Variants in RABL3 observed in about 807,000 individuals in gnomAD.
RABL3 encodes the protein RAB, member of RAS oncogene family like 3.
In RABL3, 31 loss-of-function variants were observed where a neutral mutation model predicts 31.8. That is an observed-to-expected ratio of 0.97 (90% CI 0.73 to 1.31). The LOEUF (loss-of-function observed/expected upper bound fraction) is 1.31. Ranked by LOEUF, RABL3 falls within the 40% of genes most tolerant of loss-of-function variation. RABL3 has a pLI of 0.00. For missense variants in RABL3, 263 were observed against 279.6 expected (o/e 0.94, Z 0.42); for synonymous variants, 97 against 99.9 (o/e 0.97, Z 0.18).
chr3:120,686,447 C>T lies in RABL3; in HGVS notation c.*3376G>A, dbSNP rs1414033103. Among the ~76,000 whole-genome samples the T allele has an allele frequency of 2.0e-5, 3 of 151,064 alleles. No individual in the cohort carries two copies. The highest frequency in any genetic ancestry group is 2.9e-5 in the Non-Finnish European group (2 of 67,858). On this transcript the variant is annotated 3_prime_UTR_variant, in exon 8 of 8. Coordinates refer to ENST00000273375, the MANE Select transcript of RABL3 (RefSeq NM_173825.5). ...GAGCTCTTCACCTCAGTCTGATGTC[C>T]CTGCACATCATTTCCATGAAGTCCA...
At chr3:120,691,555 T>A (rs1344274768) in intron 6 of RABL3, among the ~76,000 whole-genome samples, 2 of 152,204 alleles carry the variant, frequency 1.3e-5, no homozygotes, top group Non-Finnish European at 2.9e-5. Context: ...GTTCTGAGCA[T>A]GTTTAAGGAA....
At chr3:120,713,714 AT>A (rs1315885863) in intron 2 of RABL3, among the ~76,000 whole-genome samples, 1 of 151,932 alleles carries the variant, frequency 6.6e-6, no homozygotes, top group Non-Finnish European at 1.5e-5. Context: ...GGACCTTCTC[AT>A]TTATTCAGCT....
At chr3:120,695,813 T>G (rs1032634784) in intron 5 of RABL3, among the ~76,000 whole-genome samples, 1 of 152,110 alleles carries the variant, frequency 6.6e-6, no homozygotes, top group African/African-American at 2.4e-5. Flanking sequence ...TAAATAGAGC[T>G]GAAGTACTAA....
At position 120,685,046 on chromosome 3, in the gene RABL3, A is replaced by G. The variant is rs903410372; in HGVS notation, c.*4777T>C. Reference sequence around the variant, plus strand: ...AACATAGTGTAAGTGCTCTGACAGGAAAGAGCCCAGGGATCTAGGGGAAGC... The same window carrying G: ...AACATAGTGTAAGTGCTCTGACAGGGAAGAGCCCAGGGATCTAGGGGAAGC... On this transcript the variant is annotated 3_prime_UTR_variant, in exon 8 of 8. Transcript: ENST00000273375. 6.6e-6 allele frequency among the ~76,000 whole-genome samples: 1 copy of G among 152,236 alleles called. No individual in the cohort carries two copies. The highest frequency in any genetic ancestry group is 2.4e-5 in the African/African-American group (1 of 41,466).
intron 2 of RABL3, among the ~76,000 whole-genome samples, chr3:120,720,515 G>A (rs1335978734): frequency 2.6e-5 from 4 of 152,142 alleles, no homozygotes; most frequent in Non-Finnish European, 4.4e-5. Flanking sequence ...TGAAAACCAC[G>A]GCATGAGAAC....
intron 2 of RABL3, among the ~76,000 whole-genome samples, chr3:120,710,712 C>T (rs1378927914): frequency 6.6e-6 from 1 of 152,056 alleles, no homozygotes; most frequent in African/African-American, 2.4e-5. Context: ...TTTTCCTTCT[C>T]AGCTGGATAA....
At chr3:120,696,310 TTTTA>T (rs1028448875) in intron 5 of RABL3, among the ~76,000 whole-genome samples, 1 of 152,182 alleles carries the variant, frequency 6.6e-6, no homozygotes, top group African/African-American at 2.4e-5. Flanking sequence ...TTACATTAGT[TTTTA>T]TTTGAGGCTT....
chr3:120,742,579 A>G (rs1709061738), upstream of RABL3: 10 of 1,481,982 alleles, frequency 6.7e-6, no homozygotes, highest in South Asian at 7.9e-5. Flanking sequence ...CATGGAGGGC[A>G]GAGCCTTCAA....
In RABL3 at chr3:120,718,209, G is replaced by A. The variant is rs760469934; in HGVS notation, c.139-8300C>T. On this transcript the variant is annotated intron_variant, in intron 2 of 7. Coordinates refer to ENST00000273375, the MANE Select transcript of RABL3 (RefSeq NM_173825.5). ...ATTAACAAATCTCCGCCTCTACCTT[G>A]AAAACACAACTTCTCCTTATGTCCT... Among the ~76,000 whole-genome samples, 89 of 152,154 alleles carry A rather than the reference G, an allele frequency of 5.8e-4. 1 individual carries two copies. The highest frequency in any genetic ancestry group is 1.1e-3 in the Non-Finnish European group (76 of 67,998).
intron 6 of RABL3, 129 bp downstream of exon 6, chr3:120,694,024 C>G (rs1281080183): frequency 1.7e-6 from 1 of 584,196 alleles, no homozygotes; most frequent in Non-Finnish European, 3.0e-6. Context: ...TAAGAGAGAT[C>G]AAAACAAGGA....
intron 2 of RABL3, among the ~76,000 whole-genome samples, chr3:120,720,854 G>T (rs988792185): frequency 2.0e-5 from 3 of 152,098 alleles, no homozygotes; most frequent in Non-Finnish European, 2.9e-5. Flanking sequence ...GAGACTCCTC[G>T]AGAAGAGCAA....
At chr3:120,720,898 T>C (rs930420317) in intron 2 of RABL3, among the ~76,000 whole-genome samples, 10 of 151,838 alleles carry the variant, frequency 6.6e-5, no homozygotes, top group African/African-American at 2.4e-4. Flanking sequence ...TTCACCAAAG[T>C]TGAAATGAAG....
chr3:120,690,323 A>C, intron 7 of RABL3, 126 bp downstream of exon 7: 1 of 679,432 alleles, frequency 1.5e-6, no homozygotes, highest in African/African-American at 1.8e-5. Context: ...AACAGGATAG[A>C]AGGAAATCAG....
chr3:120,727,586 C>T (rs955086991), intron 2 of RABL3, among the ~76,000 whole-genome samples: 2 of 151,782 alleles, frequency 1.3e-5, no homozygotes, highest in African/African-American at 4.8e-5. Flanking sequence ...TAATACTTCC[C>T]AACTTATTTT....
intron 1 of RABL3, among the ~76,000 whole-genome samples, chr3:120,733,442 G>A (rs1708913369): frequency 6.6e-6 from 1 of 152,026 alleles, no homozygotes; most frequent in African/African-American, 2.4e-5. Context: ...GGAGTTCATT[G>A]TAGATTCTGG....
intron 2 of RABL3, among the ~76,000 whole-genome samples, chr3:120,729,947 C>T (rs1708862851): frequency 6.6e-6 from 1 of 151,426 alleles, no homozygotes; most frequent in Admixed American, 6.6e-5. Flanking sequence ...GTTAGCAAAA[C>T]AACAAAATAT....
At chr3:120,697,159 G>A (rs1708446594) in intron 5 of RABL3, among the ~76,000 whole-genome samples, 1 of 152,150 alleles carries the variant, frequency 6.6e-6, no homozygotes, top group Non-Finnish European at 1.5e-5. Context: ...GGTAACTGTT[G>A]GTCTAGATGA....
intron 2 of RABL3, among the ~76,000 whole-genome samples, chr3:120,729,290 T>C (rs1384536435): frequency 1.3e-5 from 2 of 152,120 alleles, no homozygotes; most frequent in East Asian, 3.9e-4. Flanking sequence ...GCTGAGAAAT[T>C]GAAATCCTTA....
chr3:120,722,606 TGGC>T, intron 2 of RABL3: 1 of 152,258 alleles, frequency 6.6e-6, no homozygotes, highest in South Asian at 2.1e-4. Flanking sequence ...ACAACAAAAC[TGGC>T]TAACACTAGC....
Sources: allele counts gnomAD v4.1 joint callset (sites outside exome capture counted in the v4.1 genomes callset), GRCh38; gene constraint gnomAD v4.1.1; transcripts MANE v1.5; gene names NCBI Gene and HGNC (gene_info 2026-07-23, HGNC 2026-07-21).